RGPD4: variants seen among roughly 807,000 people sequenced by gnomAD.
RGPD4 encodes RANBP2 like and GRIP domain containing 4.
RGPD4 carries 84 observed loss-of-function variants against 141.1 expected under a neutral mutation model. The observed-to-expected ratio is 0.60, with a 90% CI of 0.50 to 0.71. RGPD4 has a LOEUF of 0.71. Among genes scored for constraint, RGPD4 ranks in the 30% least tolerant of loss-of-function variants. RGPD4 has a pLI of 0.00. For missense variants in RGPD4, 918 were observed against 1,622.4 expected (o/e 0.57, Z 7.46); for synonymous variants, 298 against 566.8 (o/e 0.53, Z 6.74).
intron 7 of RGPD4, among the ~76,000 whole-genome samples, 174 bp from the exon 8 acceptor site, chr2:107,854,382 A>G (rs1368954635): frequency 6.6e-6 from 1 of 151,970 alleles, no homozygotes; most frequent in Non-Finnish European, 1.5e-5. Flanking sequence ...CCTATCTTTC[A>G]TAGGTTATAT....
intron 9 of RGPD4, among the ~76,000 whole-genome samples, chr2:107,857,589 G>A (rs1020259062): frequency 6.6e-5 from 10 of 151,546 alleles, no homozygotes; most frequent in East Asian, 2.0e-4. Context: ...CATGCCACTC[G>A]GCCCAGATAA....
At chr2:107,883,944 C>A (rs1485458578) in intron 22 of RGPD4, among the ~76,000 whole-genome samples, 1 of 152,134 alleles carries the variant, frequency 6.6e-6, no homozygotes, top group Non-Finnish European at 1.5e-5. Flanking sequence ...AAATCCCACA[C>A]ATCATTTCTT....
intron 9 of RGPD4, among the ~76,000 whole-genome samples, chr2:107,858,414 T>TTTTC (rs1197545737): frequency 6.6e-6 from 1 of 150,882 alleles, no homozygotes; most frequent in Non-Finnish European, 1.5e-5. Flanking sequence ...TTTTCTTTTC[T>TTTTC]TTTCTTTTCT....
rs939227324 is a variant in RGPD4, at chr2:107,826,955, C to A, written c.-59C>A. ...TCAGGCGCTTTCCTGTTGGAATTGG[C>A]GACTGCTGCGGGGCTGAGCGCTGGT... On this transcript the variant is annotated 5_prime_UTR_variant, in exon 1 of 23. Transcript: ENST00000408999. The A allele has an allele frequency of 5.8e-6, 9 of 1,556,786 alleles. No homozygotes were observed. The highest frequency in any genetic ancestry group is 2.7e-5 in the African/African-American group (2 of 73,374).
intron 1 of RGPD4, among the ~76,000 whole-genome samples, chr2:107,830,549 T>C (rs921267842): frequency 6.6e-5 from 10 of 152,236 alleles, no homozygotes; most frequent in Non-Finnish European, 8.8e-5. Context: ...GTCTTTTTTT[T>C]CCCCCAAATT....
intron 22 of RGPD4, chr2:107,883,280 T>C (rs1219722018): frequency 7.4e-6 from 3 of 406,454 alleles, no homozygotes; most frequent in Non-Finnish European, 1.5e-5. Flanking sequence ...TGGAGTCATA[T>C]AGCCCAACAC....
chr2:107,834,054 G>C (rs1247060432), intron 1 of RGPD4, among the ~76,000 whole-genome samples: 1 of 150,772 alleles, frequency 6.6e-6, no homozygotes, highest in African/African-American at 2.5e-5. Flanking sequence ...TATACGTGCT[G>C]TCCTGACTGT....
At chr2:107,829,554 C>T (rs1006632229) in intron 1 of RGPD4, among the ~76,000 whole-genome samples, 2 of 147,840 alleles carry the variant, frequency 1.4e-5, no homozygotes, top group Admixed American at 6.7e-5. Flanking sequence ...CCTGGCCCGG[C>T]GGCGGCCTCG....
chr2:107,890,576 A>AACAC (rs1675628273), intron 22 of RGPD4, 145 bp from the exon 23 acceptor site: 8 of 89,876 alleles, frequency 8.9e-5, no homozygotes, highest in Admixed American at 2.5e-4. Context: ...AAAAAAAAGA[A>AACAC]CCCCCCCCCC....
intron 7 of RGPD4, among the ~76,000 whole-genome samples, chr2:107,852,251 A>AAT: frequency 6.7e-5 from 1 of 14,930 alleles, no homozygotes; most frequent in Non-Finnish European, 1.9e-4. Context: ...ACTCCATCTC[A>AAT]AAAAAAAAAA....
At chr2:107,844,830 GTTTTTTTTT>G (rs1222283120) in intron 6 of RGPD4, among the ~76,000 whole-genome samples, 78 of 26,100 alleles carry the variant, frequency 3.0e-3, no homozygotes, top group African/African-American at 9.5e-3. Context: ...TTTCTTTTTT[GTTTTTTTTT>G]TTTTTTTTTT....
intron 4 of RGPD4, among the ~76,000 whole-genome samples, chr2:107,840,390 G>A (rs1375732934): frequency 1.3e-5 from 2 of 152,310 alleles, no homozygotes; most frequent in Non-Finnish European, 1.5e-5. Flanking sequence ...TCGGCTCACT[G>A]CCACCTCCGC....
chr2:107,836,523 G>C, intron 1 of RGPD4, 79 bp from the exon 2 acceptor site: 1 of 1,269,202 alleles, frequency 7.9e-7, no homozygotes, highest in Non-Finnish European at 1.1e-6. Flanking sequence ...ATAAACTTAG[G>C]GCAGATTTTT....
At chr2:107,846,075 T>C (rs1169406652) in intron 6 of RGPD4, among the ~76,000 whole-genome samples, 11 of 119,518 alleles carry the variant, frequency 9.2e-5, no homozygotes, top group Admixed American at 5.7e-4. Flanking sequence ...TACAGGTTCC[T>C]GCCACCACAC....
intron 21 of RGPD4, among the ~76,000 whole-genome samples, chr2:107,881,485 T>C (rs1666376084): frequency 6.6e-6 from 1 of 151,472 alleles, no homozygotes; most frequent in African/African-American, 2.4e-5. Flanking sequence ...GCCCGGCTAA[T>C]TTTTTTTATT....
rs888485945 is a variant in RGPD4, at chr2:107,854,721, C to T, written c.1066+78C>T. 25 of 1,578,136 alleles carry T rather than the reference C, an allele frequency of 1.6e-5. No homozygotes were observed. In the African/African-American group the frequency reaches 2.1e-4, roughly 13 times the overall value. On this transcript the variant is annotated intron_variant, in intron 8 of 22. Transcript: ENST00000408999. ...AAGGCATATCTTATGATAAAATCTCCATCTGTCCAGGAGATAATTTGTCAA... is the reference window on the plus strand; with the variant it reads ...AAGGCATATCTTATGATAAAATCTCTATCTGTCCAGGAGATAATTTGTCAA...
At position 107,871,137 on chromosome 2, in the gene RGPD4, C is replaced by T. The variant is rs1423352835; in HGVS notation, c.3133C>T (p.Pro1045Ser). ...CCATTTTGAACCAGTAGTTCAAATG[C>T]CTGAAAAAGTAGAACTTGTAATAGG... is the stretch of plus-strand genomic sequence containing the variant. Reference protein sequence around the residue: ...DIHFEPVVQMPEKVELVIGEE... With the variant: ...DIHFEPVVQMSEKVELVIGEE... The change falls in exon 20 of 23, where the codon CCT (proline) becomes TCT (serine). Residue 1045 changes from proline (P) to serine (S), a missense_variant. By Grantham distance (74) the Pro-to-Ser change is moderately conservative. Transcript: ENST00000408999. 2 of 1,610,286 alleles carry T rather than the reference C, an allele frequency of 1.2e-6. No individual in the cohort carries two copies. Among genetic ancestry groups the T allele is most frequent in the Admixed American group, 1.7e-5 (1 of 59,852 alleles).
At chr2:107,844,517 G>A (rs1681846663) in intron 6 of RGPD4, among the ~76,000 whole-genome samples, 1 of 152,014 alleles carries the variant, frequency 6.6e-6, no homozygotes, top group Non-Finnish European at 1.5e-5. Context: ...CTGATTGCTA[G>A]TTTAGGCTGT....
At chr2:107,830,080 C>A (rs983062146) in intron 1 of RGPD4, among the ~76,000 whole-genome samples, 32 of 151,850 alleles carry the variant, frequency 2.1e-4, no homozygotes, top group African/African-American at 7.5e-4. Flanking sequence ...AGGTGTTTGT[C>A]GCTGTCCCTT....
Sources: gnomAD v4.1 joint callset for allele counts (sites outside exome capture counted in the v4.1 genomes callset) on GRCh38, gnomAD v4.1.1 for gene constraint, MANE v1.5 for transcripts, NCBI Gene and HGNC (gene_info 2026-07-23, HGNC 2026-07-21) for gene names.